SCTR: variants seen among roughly 807,000 people sequenced by gnomAD.
The protein encoded by SCTR is pancreatic secretin receptor.
A neutral mutation model predicts 60.8 loss-of-function variants in SCTR; 56 were observed. The observed-to-expected ratio is 0.92, with a 90% CI of 0.74 to 1.15. The LOEUF (loss-of-function observed/expected upper bound fraction) is 1.15. Among genes scored for constraint, SCTR ranks in the 50% most tolerant of loss-of-function variants. The pLI is 0.00. For missense variants in SCTR, 562 were observed against 550.4 expected (o/e 1.02, Z -0.21); for synonymous variants, 202 against 217.0 (o/e 0.93, Z 0.61).
At chr2:119,464,478 A>G (rs1249502965) in intron 5 of SCTR, among the ~76,000 whole-genome samples, 1 of 151,656 alleles carries the variant, frequency 6.6e-6, no homozygotes, top group Admixed American at 6.6e-5. Context: ...AAGGCCAGCC[A>G]CAGTGTGGCT....
rs1258170926 is a variant in SCTR, at chr2:119,440,332, G to A, written c.1183-75C>T. The A allele has an allele frequency of 2.6e-6, 4 of 1,525,470 alleles. No individual in the cohort carries two copies. In the African/African-American group the frequency reaches 5.4e-5, roughly 21 times the overall value. The allele number at this position is 1,525,470 out of a possible 1,614,324, so 94.5% of individuals were successfully genotyped here. A position where few individuals can be genotyped will look rare whatever the true frequency, so the allele number is the denominator to read the frequency against. On this transcript the variant is annotated intron_variant, in intron 12 of 12. Coordinates refer to ENST00000019103, the MANE Select transcript of SCTR (RefSeq NM_002980.3). Reference sequence around the variant, plus strand: ...CTGGAGCCCTGCTCACTCCCCCAGTGACTCCACGCAGGCCCTGCCACTCCT... The same window carrying A: ...CTGGAGCCCTGCTCACTCCCCCAGTAACTCCACGCAGGCCCTGCCACTCCT...
At chr2:119,524,047 T>C in intron 1 of SCTR, 108 bp downstream of exon 1, 1 of 811,762 alleles carries the variant, frequency 1.2e-6, no homozygotes, top group East Asian at 2.9e-5. Flanking sequence ...CTATTCCTCA[T>C]GGGAAGATCT....
intron 11 of SCTR, among the ~76,000 whole-genome samples, chr2:119,444,475 G>A (rs1384810191): frequency 9.6e-6 from 1 of 104,032 alleles, no homozygotes; most frequent in Admixed American, 9.3e-5. Context: ...ACATATATAC[G>A]TACGTATATA....
At chr2:119,465,068 G>T (rs772811996) in intron 5 of SCTR, among the ~76,000 whole-genome samples, 2 of 152,146 alleles carry the variant, frequency 1.3e-5, no homozygotes, top group African/African-American at 2.4e-5. Flanking sequence ...GGATTGGGAG[G>T]GCTCCACCCT....
At chr2:119,490,679 T>C (rs1678080950) in intron 2 of SCTR, among the ~76,000 whole-genome samples, 1 of 152,222 alleles carries the variant, frequency 6.6e-6, no homozygotes. Context: ...GTGTGGTCAG[T>C]GTCCCCACCC....
chr2:119,508,233 G>A (rs914854164), intron 1 of SCTR, among the ~76,000 whole-genome samples: 4 of 152,108 alleles, frequency 2.6e-5, no homozygotes, highest in South Asian at 4.1e-4. Flanking sequence ...CAACCATGGG[G>A]ATGGGAGTAA....
At chr2:119,490,277 G>A (rs17048597) in intron 2 of SCTR, among the ~76,000 whole-genome samples, 3,446 of 152,312 alleles carry the variant, frequency 0.023, 133 homozygotes, top group African/African-American at 0.079. Context: ...CGCAGTGGCC[G>A]AGTGCATGGG....
chr2:119,498,463 C>T (rs548594163), intron 1 of SCTR, among the ~76,000 whole-genome samples: 96 of 152,146 alleles, frequency 6.3e-4, no homozygotes, highest in African/African-American at 2.1e-3. Context: ...TGGGTAAATG[C>T]GATAGGTTTT....
At chr2:119,452,212 G>A in intron 8 of SCTR, 133 bp from the exon 9 acceptor site, 1 of 650,432 alleles carries the variant, frequency 1.5e-6, no homozygotes, top group Non-Finnish European at 2.8e-6. Flanking sequence ...CTGCAGTGGT[G>A]TGCCCAGCAC....
At chr2:119,475,048 C>A (rs868750775) in intron 3 of SCTR, among the ~76,000 whole-genome samples, 1 of 152,182 alleles carries the variant, frequency 6.6e-6, no homozygotes, top group South Asian at 2.1e-4. Flanking sequence ...TGAGAGCACA[C>A]GGAAAATGCC....
At chr2:119,514,700 AC>A (rs1032306628) in intron 1 of SCTR, among the ~76,000 whole-genome samples, 22 of 151,918 alleles carry the variant, frequency 1.4e-4, no homozygotes, top group African/African-American at 4.4e-4. Context: ...ACATGGAGAA[AC>A]CCCGTCTCTA....
intron 1 of SCTR, among the ~76,000 whole-genome samples, chr2:119,506,220 C>A (rs552265766): frequency 6.6e-6 from 1 of 152,274 alleles, no homozygotes; most frequent in East Asian, 1.9e-4. Flanking sequence ...TTTATAGCAG[C>A]TTTATTCATA....
At chr2:119,465,486 A>G (rs1358714383) in intron 5 of SCTR, among the ~76,000 whole-genome samples, 3 of 152,178 alleles carry the variant, frequency 2.0e-5, no homozygotes, top group African/African-American at 7.2e-5. Flanking sequence ...TTGCAACAGA[A>G]TCTCGCTAGT....
At chr2:119,479,847 A>C (rs898876962) in intron 2 of SCTR, 2 of 152,212 alleles carry the variant, frequency 1.3e-5, no homozygotes, top group Admixed American at 6.5e-5. Context: ...GGAAGCTCAG[A>C]GCCAGATGCG....
rs573626784 is a variant in SCTR, at chr2:119,444,376, C to T, written c.1140+2383G>A. Among the ~76,000 whole-genome samples, 160 of 144,862 alleles carry T rather than the reference C, an allele frequency of 1.1e-3. 15 individuals are homozygous for T. Among genetic ancestry groups the T allele is most frequent in the African/African-American group, 4.0e-3 (158 of 39,120 alleles). On this transcript the variant is annotated intron_variant, in intron 11 of 12. Coordinates refer to ENST00000019103, the MANE Select transcript of SCTR (RefSeq NM_002980.3). ...GTATGAATATATATACACATATATA[C>T]GTATGAATATATATACACATATACG...
chr2:119,456,214 C>T (rs1683372140), intron 7 of SCTR, among the ~76,000 whole-genome samples: 1 of 151,912 alleles, frequency 6.6e-6, no homozygotes, highest in African/African-American at 2.4e-5. Flanking sequence ...GCACCCACCA[C>T]CACCCCTGAC....
intron 1 of SCTR, among the ~76,000 whole-genome samples, chr2:119,506,800 A>C (rs779636262): frequency 3.9e-5 from 6 of 152,140 alleles, no homozygotes; most frequent in Non-Finnish European, 7.3e-5. Context: ...GAAATGACAA[A>C]ATTATAGAAA....
intron 7 of SCTR, among the ~76,000 whole-genome samples, chr2:119,460,577 G>A (rs866064634): frequency 1.1e-4 from 17 of 152,258 alleles, no homozygotes; most frequent in African/African-American, 2.9e-4. Context: ...GGTATGTTAC[G>A]TTGTGTCTGT....
intron 11 of SCTR, 63 bp from the exon 12 acceptor site, chr2:119,441,662 G>A: frequency 6.9e-7 from 1 of 1,439,178 alleles, no homozygotes. Context: ...TGAACCAGCT[G>A]GCCAGCTGCA....
Sources: allele counts gnomAD v4.1 joint callset (sites outside exome capture counted in the v4.1 genomes callset), GRCh38; gene constraint gnomAD v4.1.1; transcripts MANE v1.5; gene names NCBI Gene and HGNC (gene_info 2026-07-23, HGNC 2026-07-21).